LARGE1: variants seen among roughly 807,000 people sequenced by gnomAD.
LARGE1 encodes LARGE xylosyl- and glucuronyltransferase 1, also known as xylosyl- and glucuronyltransferase LARGE1.
Under a neutral mutation model 87.6 loss-of-function variants are expected in LARGE1, and 43 were observed. That is an observed-to-expected ratio of 0.49 (90% CI 0.38 to 0.63). LARGE1 has a LOEUF of 0.63. LARGE1 is among the 30% of genes least tolerant of loss of function. LARGE1 has a pLI of 0.00. For synonymous variants in LARGE1, 434 were observed against 394.6 expected (o/e 1.10, Z -1.18); for missense variants, 802 against 1,000.2 (o/e 0.80, Z 2.67).
chr22:33,686,246 T>C (rs1443931733), intron 2 of LARGE1, among the ~76,000 whole-genome samples: 1 of 151,906 alleles, frequency 6.6e-6, no homozygotes, highest in Non-Finnish European at 1.5e-5. Context: ...GAACTGGAGC[T>C]TAGGATTGTT....
intron 5 of LARGE1, among the ~76,000 whole-genome samples, chr22:33,600,756 T>A (rs1198851701): frequency 6.6e-6 from 1 of 152,130 alleles, no homozygotes; most frequent in Non-Finnish European, 1.5e-5. Flanking sequence ...GGTTAAGAAC[T>A]GTGGCCTCAG....
At chr22:33,788,037 C>T (rs1257726762) in intron 1 of LARGE1, among the ~76,000 whole-genome samples, 1 of 152,208 alleles carries the variant, frequency 6.6e-6, no homozygotes, top group Non-Finnish European at 1.5e-5. Flanking sequence ...GACCAAGCAT[C>T]CAGCTGGTTC....
At chr22:33,503,923 C>A (rs541261398) in intron 6 of LARGE1, among the ~76,000 whole-genome samples, 1 of 152,296 alleles carries the variant, frequency 6.6e-6, no homozygotes, top group South Asian at 2.1e-4. Flanking sequence ...TTTAGCCATA[C>A]CATGGAATAT....
chr22:33,091,475 G>C, the LARGE1 span, among the ~76,000 whole-genome samples: 3 of 152,146 alleles, frequency 2.0e-5, no homozygotes. Context: ...CAGGAAAATG[G>C]CTTGAAGCCA....
chr22:33,537,068 C>T (rs1460959705), intron 6 of LARGE1, among the ~76,000 whole-genome samples: 1 of 152,266 alleles, frequency 6.6e-6, no homozygotes, highest in African/African-American at 2.4e-5. Context: ...GCCTCGGCCT[C>T]CCAAAGGGCT....
At chr22:33,317,878 A>G (rs568060636) in intron 10 of LARGE1, among the ~76,000 whole-genome samples, 1 of 152,140 alleles carries the variant, frequency 6.6e-6, no homozygotes, top group Non-Finnish European at 1.5e-5. Context: ...CCGCTCCACC[A>G]TGACTGGAGC....
At chr22:33,362,750 C>T (rs9609768) in intron 9 of LARGE1, among the ~76,000 whole-genome samples, 17,531 of 149,840 alleles carry the variant, frequency 0.12, 2,266 homozygotes, top group South Asian at 0.27. Flanking sequence ...GCAAACTAAA[C>T]GCTTTGCAAC....
intron 11 of LARGE1, among the ~76,000 whole-genome samples, chr22:33,263,416 G>C (rs1403711627): frequency 1.3e-5 from 2 of 152,244 alleles, no homozygotes; most frequent in African/African-American, 2.4e-5. Context: ...TGCTGGCTTT[G>C]AAGAGGTGAG....
intron 2 of LARGE1, among the ~76,000 whole-genome samples, chr22:33,689,123 T>C (rs1009118797): frequency 1.3e-5 from 2 of 150,390 alleles, no homozygotes; most frequent in African/African-American, 2.5e-5. Flanking sequence ...TGCGTGCTAC[T>C]GCAAGGGCTG....
intron 10 of LARGE1, chr22:33,321,003 A>T (rs1231378434): frequency 3.3e-5 from 5 of 152,224 alleles, no homozygotes; most frequent in African/African-American, 1.2e-4. Context: ...GTGGCTAAGG[A>T]CACTGGTTCT....
the LARGE1 span, among the ~76,000 whole-genome samples, chr22:33,105,163 A>AT: frequency 2.8e-3 from 413 of 145,118 alleles, no homozygotes; most frequent in Middle Eastern, 0.014. Flanking sequence ...AAGCCCCGCT[A>AT]TTTTTTTTTT....
At chr22:33,440,424 T>A (rs1363021912) in intron 6 of LARGE1, among the ~76,000 whole-genome samples, 1 of 152,208 alleles carries the variant, frequency 6.6e-6, no homozygotes, top group East Asian at 1.9e-4. Flanking sequence ...AGAGGAAGTC[T>A]GCCAATCACT....
intron 11 of LARGE1, among the ~76,000 whole-genome samples, chr22:33,259,932 G>A (rs554255876): frequency 1.3e-5 from 2 of 152,254 alleles, no homozygotes; most frequent in East Asian, 1.9e-4. Flanking sequence ...TCCCAGGTCT[G>A]GCCAATTTGC....
At chr22:33,262,836 A>C (rs1436637653) in intron 11 of LARGE1, among the ~76,000 whole-genome samples, 185 of 94,372 alleles carry the variant, frequency 2.0e-3, no homozygotes, top group Admixed American at 3.5e-3. Context: ...TCCTTCCTTC[A>C]CTCCCTCCCT....
intron 2 of LARGE1, among the ~76,000 whole-genome samples, chr22:33,656,538 C>T (rs971750041): frequency 6.6e-5 from 10 of 152,136 alleles, no homozygotes. Flanking sequence ...CAGCCCAAGC[C>T]CACTAAAGCT....
the LARGE1 span, among the ~76,000 whole-genome samples, chr22:33,099,297 A>G: frequency 2.6e-5 from 4 of 152,252 alleles, no homozygotes; most frequent in Admixed American, 2.6e-4. Context: ...CTTGTTGCCC[A>G]GGCTGGAGTG....
chr22:33,771,382 C>T (rs1311450986), intron 1 of LARGE1, among the ~76,000 whole-genome samples: 1 of 152,084 alleles, frequency 6.6e-6, no homozygotes, highest in Non-Finnish European at 1.5e-5. Flanking sequence ...GGAAATCACA[C>T]TCTCAGGCTG....
chr22:33,563,652 T>G (rs2105852), intron 6 of LARGE1, among the ~76,000 whole-genome samples: 58,047 of 152,122 alleles, frequency 0.38, 13,234 homozygotes, highest in Non-Finnish European at 0.51. Flanking sequence ...AAGCTTCCGT[T>G]TCTTTCTTTA....
chr22:33,134,414 A>C, the LARGE1 span, among the ~76,000 whole-genome samples: 1 of 151,822 alleles, frequency 6.6e-6, no homozygotes, highest in Non-Finnish European at 1.5e-5. Flanking sequence ...GCCCGCCACC[A>C]CGCCTGGCTA....
Sources: gnomAD v4.1 joint callset for allele counts (sites outside exome capture counted in the v4.1 genomes callset) on GRCh38, gnomAD v4.1.1 for gene constraint, MANE v1.5 for transcripts, NCBI Gene and HGNC (gene_info 2026-07-23, HGNC 2026-07-21) for gene names.